The following SLC6A5 variants were observed in gnomAD, a reference collection of about 807,000 sequenced individuals.
SLC6A5 encodes the protein solute carrier family 6 member 5.
A neutral mutation model predicts 90.5 loss-of-function variants in SLC6A5; 58 were observed. The observed-to-expected ratio is 0.64, with a 90% CI of 0.52 to 0.80. SLC6A5 has a LOEUF of 0.80. Among genes scored for constraint, SLC6A5 ranks in the 30% least tolerant of loss-of-function variants. The pLI, the probability that SLC6A5 is intolerant of heterozygous loss-of-function variation, is 0.00. For missense variants in SLC6A5, 1,015 were observed against 1,017.6 expected (o/e 1.00, Z 0.03); for synonymous variants, 427 against 401.4 (o/e 1.06, Z -0.76).
At chr11:20,625,660 A>G (rs987095971) in intron 7 of SLC6A5, among the ~76,000 whole-genome samples, 2 of 151,940 alleles carry the variant, frequency 1.3e-5, no homozygotes, top group African/African-American at 4.8e-5. Context: ...GTCTCCTCCA[A>G]TGTCTCTAGC....
Position 20,600,326 on chromosome 11 carries a change from A to AGAAGAAGAG in SLC6A5, c.3+660_3+668dup, listed in dbSNP as rs1334334062. Reference sequence around the variant, plus strand: ...ACTCCTGTGAATAGTTACGCAAAAAAGAAGAAGAGGAAGAAGAAGAAGAAG... The same window carrying AGAAGAAGAG: ...ACTCCTGTGAATAGTTACGCAAAAAAGAAGAAGAGGAAGAAGAGGAAGAAGAAGAAGAAG... On this transcript the variant is annotated intron_variant, in intron 1 of 15. Transcript: ENST00000525748. Among the ~76,000 whole-genome samples the AGAAGAAGAG allele has an allele frequency of 7.2e-3, 960 of 133,050 alleles. 12 individuals carry two copies. Among genetic ancestry groups the AGAAGAAGAG allele is most frequent in the Non-Finnish European group, 0.011 (678 of 61,382 alleles). 87.3% of individuals were successfully genotyped at this position (133,050 alleles called of 152,430 possible).
chr11:20,646,422 C>T (rs1447295275), intron 13 of SLC6A5, among the ~76,000 whole-genome samples: 1 of 152,108 alleles, frequency 6.6e-6, no homozygotes, highest in African/African-American at 2.4e-5. Context: ...TCTCTAAATT[C>T]CAATGCTTTC....
At chr11:20,652,228 G>T in intron 14 of SLC6A5, 61 bp from the exon 15 acceptor site, 1 of 1,501,362 alleles carries the variant, frequency 6.7e-7, no homozygotes, top group Non-Finnish European at 9.3e-7. Context: ...GTTTAATAGT[G>T]TTGAGTGCTT....
chr11:20,626,441 A>G (rs368967717), intron 7 of SLC6A5, among the ~76,000 whole-genome samples: 11 of 151,888 alleles, frequency 7.2e-5, no homozygotes, highest in African/African-American at 2.4e-4. Context: ...GCTGGGCTGG[A>G]TGACATCTCC....
intron 9 of SLC6A5, among the ~76,000 whole-genome samples, chr11:20,628,768 T>C (rs899584505): frequency 1.3e-5 from 2 of 152,214 alleles, no homozygotes; most frequent in African/African-American, 4.8e-5. Flanking sequence ...CTATCTTCTT[T>C]ATTAGAAATG....
At chr11:20,635,416 GACTA>G (rs1456254588) in intron 10 of SLC6A5, among the ~76,000 whole-genome samples, 5 of 151,806 alleles carry the variant, frequency 3.3e-5, no homozygotes, top group Non-Finnish European at 7.4e-5. Context: ...CCCGCAACCC[GACTA>G]ACTACTAGGA....
chr11:20,608,942 C>G (rs866574518), intron 5 of SLC6A5, among the ~76,000 whole-genome samples: 228 of 117,860 alleles, frequency 1.9e-3, no homozygotes, highest in African/African-American at 3.8e-3. Context: ...CTCTCTCTCT[C>G]TCTCTCTCTC....
At chr11:20,626,638 A>G (rs1256399795) in intron 7 of SLC6A5, 70 bp from the exon 8 acceptor site, 3 of 1,552,882 alleles carry the variant, frequency 1.9e-6, no homozygotes, top group Non-Finnish European at 2.7e-6. Flanking sequence ...TTCCCCGAGC[A>G]ATGCTCCTTC....
intron 5 of SLC6A5, among the ~76,000 whole-genome samples, chr11:20,608,118 T>C (rs926213610): frequency 6.6e-6 from 1 of 152,222 alleles, no homozygotes; most frequent in African/African-American, 2.4e-5. Context: ...TGAAAAGTGA[T>C]GGTCTAATTC....
intron 5 of SLC6A5, among the ~76,000 whole-genome samples, chr11:20,608,616 G>T (rs1852627747): frequency 6.6e-6 from 1 of 152,174 alleles, no homozygotes; most frequent in African/African-American, 2.4e-5. Context: ...CACTTTGGAA[G>T]TTCTCGTCAT....
chr11:20,599,940 G>T (rs944545409), intron 1 of SLC6A5, among the ~76,000 whole-genome samples: 2 of 152,120 alleles, frequency 1.3e-5, no homozygotes, highest in African/African-American at 4.8e-5. Context: ...GTGCTGAAAA[G>T]CCAGATGCCG....
intron 14 of SLC6A5, among the ~76,000 whole-genome samples, chr11:20,647,313 A>C (rs1391958148): frequency 1.0e-5 from 1 of 97,864 alleles, no homozygotes; most frequent in African/African-American, 4.3e-5. Context: ...CCTATTATAT[A>C]GTTATATAGT....
chr11:20,630,598 C>A, intron 9 of SLC6A5, 93 bp from the exon 10 acceptor site: 1 of 1,444,896 alleles, frequency 6.9e-7, no homozygotes, highest in Non-Finnish European at 9.7e-7. Flanking sequence ...CATGTGCAGA[C>A]AAACATGTGG....
At chr11:20,618,948 A>ACACACACACACACC (rs1852837374) in intron 7 of SLC6A5, among the ~76,000 whole-genome samples, 2 of 13,064 alleles carry the variant, frequency 1.5e-4, no homozygotes, top group Non-Finnish European at 3.2e-4. Context: ...CCCGCCCGAC[A>ACACACACACACACC]CACACACACA....
Position 20,637,253 on chromosome 11 carries a change from C to T in SLC6A5, c.1819C>T (p.Leu607=). Residue 607 remains leucine, a synonymous_variant, in exon 12 of 16, where the codon CTG becomes TTG. Transcript: ENST00000525748. ...YLRTHKPVFT[L]GCCICFFIMG... ...ACGCACACACAAGCCAGTGTTTACTCTGGGCTGCTGCATTTGTTTCTTCAT... is the reference window on the plus strand; with the variant it reads ...ACGCACACACAAGCCAGTGTTTACTTTGGGCTGCTGCATTTGTTTCTTCAT... 6.2e-7 allele frequency: 1 copy of T among 1,607,506 alleles called. No homozygotes were observed. The highest frequency in any genetic ancestry group is 8.5e-7 in the Non-Finnish European group (1 of 1,176,034).
At chr11:20,648,115 G>A (rs1203466581) in intron 14 of SLC6A5, among the ~76,000 whole-genome samples, 2 of 151,654 alleles carry the variant, frequency 1.3e-5, no homozygotes, top group African/African-American at 4.9e-5. Flanking sequence ...GCTTGTACAG[G>A]TGTAATTTTG....
intron 5 of SLC6A5, among the ~76,000 whole-genome samples, chr11:20,609,750 CA>C (rs1397731285): frequency 6.6e-6 from 1 of 152,182 alleles, no homozygotes; most frequent in African/African-American, 2.4e-5. Context: ...GGAGCTGCCC[CA>C]TGACACTCTC....
At chr11:20,616,121 A>T (rs1228024253) in intron 6 of SLC6A5, among the ~76,000 whole-genome samples, 1 of 151,718 alleles carries the variant, frequency 6.6e-6, no homozygotes, top group Non-Finnish European at 1.5e-5. Context: ...TAATACCATG[A>T]CTCTTCTCCC....
chr11:20,612,111 A>G (rs554002733), intron 5 of SLC6A5, among the ~76,000 whole-genome samples: 1 of 152,168 alleles, frequency 6.6e-6, no homozygotes, highest in Admixed American at 6.5e-5. Flanking sequence ...AGGGATTCTT[A>G]TTATTGTTTC....
Sources: gnomAD v4.1 joint callset for allele counts (sites outside exome capture counted in the v4.1 genomes callset) on GRCh38, gnomAD v4.1.1 for gene constraint, MANE v1.5 for transcripts, NCBI Gene and HGNC (gene_info 2026-07-23, HGNC 2026-07-21) for gene names.